Variants in ITGAL observed in about 807,000 individuals in gnomAD.
The protein encoded by ITGAL is integrin subunit alpha L, also known as integrin alpha-L.
A neutral mutation model predicts 138.4 loss-of-function variants in ITGAL; 68 were observed. The ratio of observed to expected loss-of-function variants is 0.49; its 90% CI spans 0.40 to 0.60. The LOEUF is 0.60. Ranked by LOEUF, ITGAL falls within the 20% of genes least tolerant of loss-of-function variation. The pLI is 0.00. For synonymous variants in ITGAL, 561 were observed against 584.3 expected (o/e 0.96, Z 0.57); for missense variants, 1,256 against 1,478.6 (o/e 0.85, Z 2.47).
At chr16:30,492,027 T>G (rs542064668) in intron 11 of ITGAL, among the ~76,000 whole-genome samples, 1 of 152,268 alleles carries the variant, frequency 6.6e-6, no homozygotes, top group African/African-American at 2.4e-5. Context: ...CTCTGTTTTC[T>G]TCACTCACTT....
At chr16:30,492,898 G>A (rs1344657527) in intron 11 of ITGAL, among the ~76,000 whole-genome samples, 2 of 150,864 alleles carry the variant, frequency 1.3e-5, no homozygotes, top group African/African-American at 4.9e-5. Flanking sequence ...ATTTTATTTT[G>A]TTAGAGACAG....
In ITGAL at chr16:30,499,206, G is replaced by A; in HGVS notation, c.1965G>A (p.Gln655=). ...GAGTTAATATCACAATCTGTTTCCA[G>A]ATCAAGTCTCTCATCCCCCAGTTCC... is the stretch of plus-strand genomic sequence containing the variant. ...KEGVNITICF[Q]IKSLIPQFQG... The change falls in exon 16 of 31, where the codon CAG becomes CAA. Residue 655 remains glutamine, a synonymous_variant. Transcript: ENST00000356798. 6.2e-7 allele frequency: 1 copy of A among 1,614,166 alleles called. No individual in the cohort carries two copies. Among genetic ancestry groups the A allele is most frequent in the Non-Finnish European group, 8.5e-7 (1 of 1,180,042 alleles).
chr16:30,494,445 C>A lies in ITGAL; in HGVS notation c.1365+82C>A. 7.1e-7 allele frequency: 1 copy of A among 1,412,418 alleles called. No homozygotes were observed. Among genetic ancestry groups the A allele is most frequent in the Non-Finnish European group, 9.6e-7 (1 of 1,045,258 alleles). 87.5% of individuals were successfully genotyped at this position (1,412,418 alleles called of 1,614,324 possible). On this transcript the variant is annotated intron_variant, in intron 12 of 30. Coordinates refer to ENST00000356798, the MANE Select transcript of ITGAL (RefSeq NM_002209.3). This position sits in a 1 kb window ranked among gnomAD's most constrained non-coding sequence, Gnocchi z 4.2. Reference sequence around the variant, plus strand: ...TCCCTTCTGTCCTTTGAATGCTCATCCACTTACCATGTGGCAGCCCCTGTG... The same window carrying A: ...TCCCTTCTGTCCTTTGAATGCTCATACACTTACCATGTGGCAGCCCCTGTG...
intron 25 of ITGAL, among the ~76,000 whole-genome samples, chr16:30,515,433 T>C (rs993024785): frequency 6.6e-6 from 1 of 152,140 alleles, no homozygotes; most frequent in Non-Finnish European, 1.5e-5. Context: ...GGGATGGACC[T>C]CCCTGGAGCC....
rs36005241 is a variant in ITGAL, at chr16:30,476,633, C to CTT, written c.327+1068_327+1069dup. ...AATGCCTAAAGTTTAGGAAACACTG[C>CTT]TTTTTTTTTTTTTTTTGAGACAGAG... is the stretch of plus-strand genomic sequence containing the variant. On this transcript the variant is annotated intron_variant, in intron 4 of 30. Transcript: ENST00000356798. Among the ~76,000 whole-genome samples, 86 of 137,448 alleles carry CTT rather than the reference C, an allele frequency of 6.3e-4. 1 individual carries two copies. Among genetic ancestry groups the CTT allele is most frequent in the Middle Eastern group, 3.8e-3 (1 of 264 alleles). The allele number at this position is 137,448 out of a possible 152,430, so 90.2% of individuals were successfully genotyped here.
intron 24 of ITGAL, among the ~76,000 whole-genome samples, chr16:30,513,364 G>A (rs892177120): frequency 2.6e-5 from 4 of 152,232 alleles, no homozygotes; most frequent in Non-Finnish European, 4.4e-5. Context: ...CCAATGCTGA[G>A]CAGGTGAGTG....
intron 29 of ITGAL, among the ~76,000 whole-genome samples, chr16:30,519,065 A>G (rs1207849833): frequency 6.6e-6 from 1 of 152,174 alleles, no homozygotes; most frequent in African/African-American, 2.4e-5. Flanking sequence ...CTCTACAAAA[A>G]TACAAAAATT....
intron 7 of ITGAL, among the ~76,000 whole-genome samples, chr16:30,483,558 T>A (rs552654119): frequency 6.6e-6 from 1 of 152,182 alleles, no homozygotes. Context: ...CCCAGAGTCA[T>A]TCCTCACAAA....
Position 30,496,459 on chromosome 16 carries a change from C to T in ITGAL, c.1725C>T (p.Leu575=). The part of the protein sequence containing the change: ...PSQRIEGTQV[L]SGIQWFGRSI... ...AGCGGATAGAAGGGACCCAAGTGCT[C>T]TCAGGAATTCAGTGGTTTGGACGCT... is the stretch of plus-strand genomic sequence containing the variant. Residue 575 remains leucine (L), a synonymous_variant, in exon 15 of 31, where the codon CTC becomes CTT. Coordinates refer to ENST00000356798, the MANE Select transcript of ITGAL (RefSeq NM_002209.3). 1 of 1,613,948 alleles carries T rather than the reference C, an allele frequency of 6.2e-7. No individual in the cohort carries two copies. The highest frequency in any genetic ancestry group is 1.1e-5 in the South Asian group (1 of 91,072).
chr16:30,517,288 A>G (rs1273441765), intron 26 of ITGAL, among the ~76,000 whole-genome samples: 14 of 152,062 alleles, frequency 9.2e-5, no homozygotes, highest in Admixed American at 9.2e-4. Flanking sequence ...TCCAGTCTCT[A>G]CAAACAAATT....
chr16:30,516,488 C>T (rs1439027962), intron 25 of ITGAL, among the ~76,000 whole-genome samples: 5 of 152,080 alleles, frequency 3.3e-5, no homozygotes, highest in Admixed American at 3.3e-4. Flanking sequence ...CCTCAGCCTC[C>T]CAAAGTGCTG....
chr16:30,496,089 C>T lies in ITGAL; in HGVS notation c.1504-8C>T. Reference sequence around the variant, plus strand: ...CTTGGGTGTGACCTGTCTCTTGCTACTTCCTAGTTGGGGTTTGAAGAAGTC... The same window carrying T: ...CTTGGGTGTGACCTGTCTCTTGCTATTTCCTAGTTGGGGTTTGAAGAAGTC... On this transcript the variant is annotated splice_region_variant and splice_polypyrimidine_tract_variant and intron_variant, in intron 13 of 30. Coordinates refer to ENST00000356798, the MANE Select transcript of ITGAL (RefSeq NM_002209.3). 1 of 1,612,798 alleles carries T rather than the reference C, an allele frequency of 6.2e-7. No individual in the cohort carries two copies.
chr16:30,511,510 C>T (rs1014218286), intron 24 of ITGAL, among the ~76,000 whole-genome samples: 3 of 152,218 alleles, frequency 2.0e-5, no homozygotes, highest in Middle Eastern at 3.4e-3. Context: ...CAGAGAAGGC[C>T]GGCACTTACC....
chr16:30,517,688 C>A lies in ITGAL; in HGVS notation c.3016C>A (p.Leu1006Ile). The part of the protein sequence containing the change: ...VPCHYEDLER[L>I]PDAAEPCLPG... ...CTGCCACTATGAGGATCTGGAGAGG[C>A]TCCCGGATGCAGCTGAGGTATGGGC... Residue 1006 changes from leucine to isoleucine, a missense_variant, in exon 27 of 31, where the codon CTC (leucine) becomes ATC (isoleucine). Around this residue, in one of 3 missense-constraint regions of ITGAL, gnomAD observed 867 missense variants for 972.5 expected, o/e 0.89. Transcript: ENST00000356798. 6.2e-7 allele frequency: 1 copy of A among 1,614,098 alleles called. No homozygotes were observed. Among genetic ancestry groups the A allele is most frequent in the Non-Finnish European group, 8.5e-7 (1 of 1,179,948 alleles).
intron 13 of ITGAL, among the ~76,000 whole-genome samples, chr16:30,495,772 C>T (rs1464417253): frequency 1.3e-5 from 2 of 152,022 alleles, no homozygotes; most frequent in African/African-American, 4.8e-5. Context: ...TCGCTTGAGC[C>T]CAGGAGTTCG....
intron 11 of ITGAL, among the ~76,000 whole-genome samples, chr16:30,492,207 G>T (rs1344432374): frequency 6.6e-6 from 1 of 151,974 alleles, no homozygotes; most frequent in Admixed American, 6.6e-5. Flanking sequence ...CTCATTACAG[G>T]AAGTTGAAGA....
At chr16:30,510,234 T>C in intron 21 of ITGAL, 127 bp from the exon 22 acceptor site, 1 of 664,272 alleles carries the variant, frequency 1.5e-6, no homozygotes, top group East Asian at 2.6e-5. Context: ...TCTTGGGCCC[T>C]TTCCCGCTGA....
At chr16:30,502,816 A>AGTTTT (rs1567480965) in intron 17 of ITGAL, among the ~76,000 whole-genome samples, 1 of 149,286 alleles carries the variant, frequency 6.7e-6, no homozygotes. Context: ...TTTGTTTTAA[A>AGTTTT]CTTTTTTTTT....
intron 4 of ITGAL, among the ~76,000 whole-genome samples, chr16:30,476,061 T>C (rs879275437): frequency 1.3e-5 from 2 of 151,940 alleles, no homozygotes; most frequent in Non-Finnish European, 2.9e-5. Context: ...CCATCCTGGC[T>C]AACACGGTGA....
Sources: allele counts gnomAD v4.1 joint callset (sites outside exome capture counted in the v4.1 genomes callset), GRCh38; gene constraint gnomAD v4.1.1; regional missense constraint gnomAD v4.1.1; non-coding constraint Gnocchi (gnomAD v3.1); transcripts MANE v1.5; gene names NCBI Gene and HGNC (gene_info 2026-07-23, HGNC 2026-07-21).